The following SYTL5 variants were observed in gnomAD, a reference collection of about 807,000 sequenced individuals.
SYTL5 encodes the protein synaptotagmin-like protein 5.
A neutral mutation model predicts 55.9 loss-of-function variants in SYTL5; 34 were observed. The observed-to-expected ratio is 0.61, with a 90% CI of 0.46 to 0.81. The LOEUF (loss-of-function observed/expected upper bound fraction) is 0.81, where lower values mean the gene tolerates loss of function less well. SYTL5 is among the 30% of genes least tolerant of loss of function. The probability of loss-of-function intolerance (pLI) is 0.00; values close to 1 mark genes in which losing one functional copy is unlikely to be tolerated. For missense variants in SYTL5, 637 were observed against 546.7 expected (o/e 1.17, Z -1.65); for synonymous variants, 221 against 188.7 (o/e 1.17, Z -1.40).
At chrX:38,011,850 T>A (rs1934201743) in intron 1 of SYTL5, among the ~76,000 whole-genome samples, 1 of 110,466 alleles carries the variant, frequency 9.1e-6, no homozygotes, top group African/African-American at 3.3e-5. Flanking sequence ...TTCTTGTTCA[T>A]TTAAATGTTC....
chrX:37,939,943 G>A, the SYTL5 span, among the ~76,000 whole-genome samples: 1 of 111,427 alleles, frequency 9.0e-6, no homozygotes, highest in African/African-American at 3.3e-5. Flanking sequence ...CGATTCTCCT[G>A]CCTCAGCCTC....
At chrX:37,931,146 G>T in the SYTL5 span, among the ~76,000 whole-genome samples, 1 of 111,519 alleles carries the variant, frequency 9.0e-6, no homozygotes, top group South Asian at 3.7e-4. Flanking sequence ...ATTAAATTTT[G>T]GGATAGGTTT....
the SYTL5 span, among the ~76,000 whole-genome samples, chrX:37,907,093 T>C: frequency 8.9e-6 from 1 of 112,349 alleles, no homozygotes. Context: ...CATGAATTTG[T>C]GGTTCATATT....
chrX:38,038,913 G>A (rs920319355), intron 2 of SYTL5, among the ~76,000 whole-genome samples: 6 of 111,797 alleles, frequency 5.4e-5, no homozygotes, highest in Non-Finnish European at 1.1e-4. Context: ...TGTAGAAGAC[G>A]GAGAAAGCGT....
the SYTL5 span, among the ~76,000 whole-genome samples, chrX:37,986,344 A>G: frequency 9.0e-6 from 1 of 110,916 alleles, no homozygotes; most frequent in African/African-American, 3.3e-5. Flanking sequence ...TCCACATGAG[A>G]GGGTCGTGAT....
chrX:37,896,220 C>T, the SYTL5 span, among the ~76,000 whole-genome samples: 1 of 112,329 alleles, frequency 8.9e-6, no homozygotes, highest in Non-Finnish European at 1.9e-5. Flanking sequence ...CTACACAAAT[C>T]CCTCTCAACC....
chrX:37,963,697 C>G, the SYTL5 span, among the ~76,000 whole-genome samples: 1 of 112,101 alleles, frequency 8.9e-6, no homozygotes, highest in Non-Finnish European at 1.9e-5. Flanking sequence ...GATTTTATAT[C>G]TTTCTTTCCT....
chrX:37,955,724 A>G, the SYTL5 span, among the ~76,000 whole-genome samples: 34 of 111,494 alleles, frequency 3.0e-4, no homozygotes, highest in African/African-American at 1.0e-3. Flanking sequence ...GACTCTGTGA[A>G]TTGGCTCAAT....
the SYTL5 span, among the ~76,000 whole-genome samples, chrX:37,993,281 T>A: frequency 1.8e-5 from 2 of 111,830 alleles, no homozygotes; most frequent in Non-Finnish European, 3.8e-5. Flanking sequence ...TAGAGAAAAA[T>A]ATTGAAATAA....
chrX:38,115,222 C>T (rs1308392526), intron 13 of SYTL5, among the ~76,000 whole-genome samples: 1 of 104,697 alleles, frequency 9.6e-6, no homozygotes. Context: ...CGGTGGCTCA[C>T]GCCTGTAATC....
intron 3 of SYTL5, among the ~76,000 whole-genome samples, chrX:38,071,610 A>G (rs1011437536): frequency 6.3e-5 from 7 of 111,500 alleles, no homozygotes; most frequent in Non-Finnish European, 1.3e-4. Context: ...CCTCTTTTTC[A>G]TTCCAAACCT....
chrX:38,102,753 A>T (rs1937114326), intron 10 of SYTL5, among the ~76,000 whole-genome samples: 1 of 111,590 alleles, frequency 9.0e-6, no homozygotes, highest in Non-Finnish European at 1.9e-5. Flanking sequence ...CCCTGACACC[A>T]TTCTCTAAAC....
intron 3 of SYTL5, among the ~76,000 whole-genome samples, chrX:38,071,357 T>C (rs940873205): frequency 9.0e-6 from 1 of 111,535 alleles, no homozygotes; most frequent in Admixed American, 9.5e-5. Flanking sequence ...ATCTTTAACA[T>C]TGAACTTATT....
At chrX:37,907,486 G>A in the SYTL5 span, among the ~76,000 whole-genome samples, 2 of 112,137 alleles carry the variant, frequency 1.8e-5, no homozygotes, top group East Asian at 5.5e-4. Context: ...CCGGGGAGCC[G>A]TTAAGCTTCC....
chrX:38,107,545 A>G (rs1569189110), intron 11 of SYTL5, among the ~76,000 whole-genome samples: 1 of 112,069 alleles, frequency 8.9e-6, no homozygotes, highest in Non-Finnish European at 1.9e-5. Context: ...TATTGTTTGT[A>G]CAAACAATTT....
At chrX:38,122,824 T>C (rs1414744621) in intron 15 of SYTL5, among the ~76,000 whole-genome samples, 1 of 112,504 alleles carries the variant, frequency 8.9e-6, no homozygotes, top group African/African-American at 3.2e-5. Context: ...TCCTGACTAC[T>C]GGATATTTTT....
chrX:38,000,302 G>T, the SYTL5 span, among the ~76,000 whole-genome samples: 1 of 112,205 alleles, frequency 8.9e-6, no homozygotes, highest in Non-Finnish European at 1.9e-5. Context: ...CTTAAATGTG[G>T]TTATGGGGTG....
Position 38,125,500 on chromosome X carries a change from G to C in SYTL5, c.2044G>C (p.Gly682Arg), listed in dbSNP as rs758966904. The change falls in exon 16 of 17, where the codon GGA (glycine) becomes CGA (arginine). Residue 682 changes from glycine (G) to arginine (R), a missense_variant. Transcript: ENST00000297875. ...IFLGGVRLNS[G>R]SGVSHGKNVD... ...TCTGGGAGGAGTTCGTTTGAATTCT[G>C]GAAGTGGTGAGGGATTTGGGGACCC... is the stretch of plus-strand genomic sequence containing the variant. 1 of 1,209,839 alleles carries C rather than the reference G, an allele frequency of 8.3e-7. No individual in the cohort carries two copies. Among genetic ancestry groups the C allele is most frequent in the South Asian group, 1.8e-5 (1 of 56,901 alleles).
intron 1 of SYTL5, among the ~76,000 whole-genome samples, chrX:38,011,353 C>A (rs1397805310): frequency 1.8e-5 from 2 of 111,762 alleles, no homozygotes; most frequent in Non-Finnish European, 1.9e-5. Context: ...TACTGCTGGC[C>A]GGGCGCGGTG....
Sources: allele counts gnomAD v4.1 joint callset (sites outside exome capture counted in the v4.1 genomes callset), GRCh38; gene constraint gnomAD v4.1.1; transcripts MANE v1.5; gene names NCBI Gene and HGNC (gene_info 2026-07-23, HGNC 2026-07-21).